The following SAMTOR variants were observed in gnomAD, a reference collection of about 807,000 sequenced individuals.
SAMTOR encodes S-adenosylmethionine sensor upstream of mTORC1.
chr7:112,894,188 G>C, the SAMTOR span, among the ~76,000 whole-genome samples: 1 of 150,928 alleles, frequency 6.6e-6, no homozygotes, highest in Non-Finnish European at 1.5e-5. Flanking sequence ...GGGGGAGGGG[G>C]AGAGGGAAGA....
the SAMTOR span, among the ~76,000 whole-genome samples, chr7:112,908,098 A>G: frequency 6.6e-6 from 1 of 152,222 alleles, no homozygotes; most frequent in Admixed American, 6.5e-5. Context: ...TGAGGAATAT[A>G]TCTGTATACC....
chr7:112,832,088 T>A, the SAMTOR span, among the ~76,000 whole-genome samples: 1 of 150,682 alleles, frequency 6.6e-6, no homozygotes, highest in Non-Finnish European at 1.5e-5. Flanking sequence ...CTCGACTCAC[T>A]GCCACCTCCG....
At chr7:112,908,882 C>T in the SAMTOR span, among the ~76,000 whole-genome samples, 15 of 152,112 alleles carry the variant, frequency 9.9e-5, no homozygotes, top group Non-Finnish European at 7.4e-5. Flanking sequence ...TTTGAAATAA[C>T]GAGACCGGGT....
chr7:112,842,394 C>T, the SAMTOR span, among the ~76,000 whole-genome samples: 3 of 151,902 alleles, frequency 2.0e-5, no homozygotes, highest in East Asian at 5.8e-4. Flanking sequence ...GTGTAAAAGC[C>T]AACACTCAAG....
At chr7:112,871,114 T>G in the SAMTOR span, among the ~76,000 whole-genome samples, 2 of 152,074 alleles carry the variant, frequency 1.3e-5, no homozygotes, top group Non-Finnish European at 1.5e-5. Flanking sequence ...GCTTAGATCA[T>G]TGAGGCAAAA....
At chr7:112,821,786 A>G in the SAMTOR span, 2 of 1,612,414 alleles carry the variant, frequency 1.2e-6, no homozygotes, top group African/African-American at 1.3e-5. Context: ...CATAGAAAGG[A>G]ATAGAGCTGG....
the SAMTOR span, among the ~76,000 whole-genome samples, chr7:112,827,868 C>A: frequency 5.9e-5 from 9 of 152,028 alleles, no homozygotes; most frequent in African/African-American, 2.2e-4. Context: ...TACAAGTGCA[C>A]CATGCGTGGC....
chr7:112,936,568 A>G, the SAMTOR span, among the ~76,000 whole-genome samples: 3 of 152,186 alleles, frequency 2.0e-5, no homozygotes, highest in African/African-American at 7.2e-5. Flanking sequence ...GTGGAAAAAA[A>G]TCTTTTCTTA....
the SAMTOR span, among the ~76,000 whole-genome samples, chr7:112,845,139 T>C: frequency 2.6e-5 from 4 of 152,160 alleles, no homozygotes; most frequent in Non-Finnish European, 4.4e-5. Flanking sequence ...ATAAAAACTT[T>C]GGAAGACAAC....
the SAMTOR span, among the ~76,000 whole-genome samples, chr7:112,913,043 C>T: frequency 1.3e-5 from 2 of 152,164 alleles, no homozygotes; most frequent in Non-Finnish European, 2.9e-5. Flanking sequence ...CTTTCTGTTA[C>T]AGGGGAACTA....
At chr7:112,853,021 A>G in the SAMTOR span, among the ~76,000 whole-genome samples, 4 of 152,128 alleles carry the variant, frequency 2.6e-5, no homozygotes, top group Non-Finnish European at 4.4e-5. Flanking sequence ...CCTACATTTC[A>G]TTTGCATTTT....
the SAMTOR span, among the ~76,000 whole-genome samples, chr7:112,855,661 T>C: frequency 4.6e-5 from 7 of 152,218 alleles, no homozygotes; most frequent in South Asian, 4.1e-4. Flanking sequence ...ATCCTTCTTA[T>C]GTTTCAAATC....
chr7:112,865,474 C>T, the SAMTOR span, among the ~76,000 whole-genome samples: 4 of 151,968 alleles, frequency 2.6e-5, no homozygotes, highest in Non-Finnish European at 4.4e-5. Flanking sequence ...GACAGGGTTT[C>T]GCCATGTTGG....
chr7:112,836,714 T>G, the SAMTOR span, among the ~76,000 whole-genome samples: 1 of 151,892 alleles, frequency 6.6e-6, no homozygotes, highest in Non-Finnish European at 1.5e-5. Flanking sequence ...TAGCGAGTCC[T>G]GTCCCCATTG....
At chr7:112,920,028 G>A in the SAMTOR span, among the ~76,000 whole-genome samples, 2 of 151,864 alleles carry the variant, frequency 1.3e-5, no homozygotes, top group African/African-American at 4.8e-5. Flanking sequence ...GTACAAGGAG[G>A]AACTGGTACC....
At chr7:112,822,314 C>T in the SAMTOR span, 3 of 1,612,836 alleles carry the variant, frequency 1.9e-6, no homozygotes, top group Non-Finnish European at 2.5e-6. Context: ...CTATAGCATC[C>T]TGTGCAAGCT....
At chr7:112,929,009 G>A in the SAMTOR span, among the ~76,000 whole-genome samples, 2 of 151,866 alleles carry the variant, frequency 1.3e-5, no homozygotes, top group African/African-American at 4.8e-5. Context: ...TAAGGTTCAT[G>A]CATTTTTACA....
At chr7:112,845,750 T>C in the SAMTOR span, among the ~76,000 whole-genome samples, 6 of 152,134 alleles carry the variant, frequency 3.9e-5, no homozygotes, top group East Asian at 1.9e-4. Flanking sequence ...CCCAAAGGAA[T>C]ACAAATCATT....
chr7:112,918,415 T>C, the SAMTOR span, among the ~76,000 whole-genome samples: 1,607 of 152,134 alleles, frequency 0.011, 30 homozygotes, highest in African/African-American at 0.036. Flanking sequence ...TTTGTCACCA[T>C]CAGGCCTGCC....
Sources: gnomAD v4.1 joint callset for allele counts (sites outside exome capture counted in the v4.1 genomes callset) on GRCh38, gnomAD v4.1.1 for gene constraint, MANE v1.5 for transcripts, NCBI Gene and HGNC (gene_info 2026-07-23, HGNC 2026-07-21) for gene names.